Variants in DCT observed in about 807,000 individuals in gnomAD.
DCT encodes the protein dopachrome tautomerase, also known as L-dopachrome tautomerase.
DCT carries 47 observed loss-of-function variants against 53.0 expected under a neutral mutation model. The observed-to-expected ratio is 0.89, with a 90% confidence interval of 0.70 to 1.13. DCT has a LOEUF of 1.13. DCT is among the 50% of genes most tolerant of loss of function. The probability of loss-of-function intolerance (pLI) is 0.00; values close to 1 mark genes in which losing one functional copy is unlikely to be tolerated. For synonymous variants in DCT, 244 were observed against 237.0 expected, an observed-to-expected ratio of 1.03 and a Z score of -0.27; for missense variants, 669 against 637.4, an observed-to-expected ratio of 1.05 and a Z score of -0.53.
intron 3 of DCT, among the ~76,000 whole-genome samples, 173 bp from the exon 4 acceptor site, chr13:94,465,972 A>T (rs1163264585): frequency 5.2e-4 from 2 of 3,814 alleles, no homozygotes; most frequent in Admixed American, 1.9e-3. Flanking sequence ...TATATTTTAT[A>T]TATATATATA....
the DCT span, among the ~76,000 whole-genome samples, chr13:94,510,096 C>T: frequency 2.6e-5 from 4 of 152,160 alleles, no homozygotes; most frequent in South Asian, 2.1e-4. Flanking sequence ...CTGGTTTCCT[C>T]CTAGATCTCT....
At chr13:94,458,707 C>A (rs972786036) in intron 6 of DCT, among the ~76,000 whole-genome samples, 3 of 151,908 alleles carry the variant, frequency 2.0e-5, no homozygotes, top group African/African-American at 7.3e-5. Context: ...GAGGCTGAGG[C>A]AGAAGAATCA....
chr13:94,538,318 T>C, the DCT span, among the ~76,000 whole-genome samples: 1,408 of 152,276 alleles, frequency 9.2e-3, 25 homozygotes, highest in African/African-American at 0.032. Context: ...TTCTCCATTT[T>C]ACAGACAGGG....
rs75266725 is a variant in DCT at position 94,476,831 on chromosome 13, G to A, written c.295+2130C>T. Among the ~76,000 whole-genome samples the A allele has an allele frequency of 3.7e-3, 570 of 152,282 alleles. 2 individuals are homozygous for A. Among genetic ancestry groups the A allele is most frequent in the Middle Eastern group, 0.014 (4 of 294 alleles). On this transcript the variant is annotated intron_variant, in intron 1 of 7. Transcript: ENST00000377028. ...GTATTTTGGGGTTTTGAACAAAGAA[G>A]TTACTGTGTTAGTGTGGTTTTCAAT...
the DCT span, among the ~76,000 whole-genome samples, chr13:94,504,635 C>G: frequency 6.6e-6 from 1 of 152,110 alleles, no homozygotes; most frequent in Admixed American, 6.6e-5. Context: ...TTTCAAAGTG[C>G]TGGGATTACA....
At chr13:94,506,232 T>G in the DCT span, among the ~76,000 whole-genome samples, 1 of 152,212 alleles carries the variant, frequency 6.6e-6, no homozygotes, top group Non-Finnish European at 1.5e-5. Context: ...CTCCATCTGG[T>G]CATCTAGCCC....
Position 94,479,285 on chromosome 13 carries a change from C to A in DCT, c.-30G>T, listed in dbSNP as rs750236298. On this transcript the variant is annotated 5_prime_UTR_variant, in exon 1 of 8. Coordinates refer to ENST00000377028, the MANE Select transcript of DCT (RefSeq NM_001922.5). The stretch of plus-strand genomic sequence containing the variant: ...TTATAATTGGGAGAGCTCTCTCTCT[C>A]TCTTACTTTCCTTGTCTCTGTCGTA... 6.6e-7 allele frequency: 1 copy of A among 1,513,912 alleles called. No individual in the cohort carries two copies. Among genetic ancestry groups the A allele is most frequent in the Admixed American group, 2.1e-5 (1 of 47,324 alleles). The allele number at this position is 1,513,912 out of a possible 1,614,324, so 93.8% of individuals were successfully genotyped here. A position where few individuals can be genotyped will look rare whatever the true frequency, so the allele number is the denominator to read the frequency against.
the DCT span, among the ~76,000 whole-genome samples, chr13:94,537,821 G>A: frequency 2.6e-5 from 4 of 152,144 alleles, no homozygotes; most frequent in East Asian, 1.9e-4. Flanking sequence ...GAATAAGAAC[G>A]TCAGTGTAGG....
At chr13:94,461,846 C>T (rs1173387167) in intron 5 of DCT, among the ~76,000 whole-genome samples, 164 bp downstream of exon 5, 3 of 152,106 alleles carry the variant, frequency 2.0e-5, no homozygotes, top group African/African-American at 7.2e-5. Context: ...TGGGTAAAGA[C>T]TTTCCTCACA....
chr13:94,461,829 T>C (rs1883808588), intron 5 of DCT, among the ~76,000 whole-genome samples, 181 bp downstream of exon 5: 1 of 152,142 alleles, frequency 6.6e-6, no homozygotes, highest in African/African-American at 2.4e-5. Context: ...TTGTTAGTCA[T>C]AGTAGATGGG....
intron 6 of DCT, among the ~76,000 whole-genome samples, chr13:94,451,890 C>T (rs889740184): frequency 6.6e-6 from 1 of 151,744 alleles, no homozygotes; most frequent in Non-Finnish European, 1.5e-5. Flanking sequence ...AATTACTTTC[C>T]CTAATTCTGA....
chr13:94,501,728 G>A, the DCT span, among the ~76,000 whole-genome samples: 2 of 151,990 alleles, frequency 1.3e-5, no homozygotes. Context: ...ACCTGCGAGA[G>A]TGAGGGAGGG....
intron 3 of DCT, among the ~76,000 whole-genome samples, 158 bp from the exon 4 acceptor site, chr13:94,465,957 G>T (rs1884165572): frequency 1.7e-5 from 2 of 120,056 alleles, no homozygotes; most frequent in African/African-American, 6.4e-5. Context: ...ATAAATCAGT[G>T]TGTGTATATT....
At chr13:94,470,296 A>G (rs1884558781) in intron 1 of DCT, among the ~76,000 whole-genome samples, 1 of 152,174 alleles carries the variant, frequency 6.6e-6, no homozygotes, top group African/African-American at 2.4e-5. Flanking sequence ...ACAAACCACC[A>G]CAGGATTTCT....
the DCT span, among the ~76,000 whole-genome samples, chr13:94,531,933 C>A: frequency 2.4e-3 from 362 of 151,982 alleles, 4 homozygotes; most frequent in African/African-American, 8.4e-3. Flanking sequence ...AGAACTTAAA[C>A]AAATTTACAA....
chr13:94,439,931 A>G lies in DCT; in HGVS notation c.1527T>C (p.His509=), dbSNP rs560060197. The G allele has an allele frequency of 6.2e-7, 1 of 1,613,958 alleles. No individual in the cohort carries two copies. Among genetic ancestry groups the G allele is most frequent in the African/African-American group, 1.3e-5 (1 of 75,026 alleles). The change falls in exon 8 of 8, where the codon CAT becomes CAC. Residue 509 remains histidine (H), a synonymous_variant. Coordinates refer to ENST00000377028, the MANE Select transcript of DCT (RefSeq NM_001922.5). ...CTTCTGTGTATCTCTTGCTGCTTAA[A>G]TGTGTCTCCATTAGGGGTGTATATC... The part of the protein sequence containing the change: ...RKGYTPLMET[H]LSSKRYTEEA
chr13:94,460,259 C>T, intron 5 of DCT, 33 bp from the exon 6 acceptor site: 1 of 1,599,690 alleles, frequency 6.3e-7, no homozygotes, highest in Non-Finnish European at 8.5e-7. Flanking sequence ...TGACAACAGA[C>T]AAAGACTGAT....
At chr13:94,441,294 T>G (rs538106479) in intron 7 of DCT, among the ~76,000 whole-genome samples, 1 of 152,350 alleles carries the variant, frequency 6.6e-6, no homozygotes, top group South Asian at 2.1e-4. Context: ...AAAAAATGGT[T>G]GCCTTTTGCT....
chr13:94,470,611 T>G (rs978276922), intron 1 of DCT, among the ~76,000 whole-genome samples: 13 of 152,168 alleles, frequency 8.5e-5, no homozygotes, highest in South Asian at 4.1e-4. Context: ...GGTGACCAGC[T>G]CACTTACTCC....
Sources: allele counts gnomAD v4.1 joint callset (sites outside exome capture counted in the v4.1 genomes callset), GRCh38; gene constraint gnomAD v4.1.1; transcripts MANE v1.5; gene names NCBI Gene and HGNC (gene_info 2026-07-23, HGNC 2026-07-21).